Variants in CREBZF observed in about 807,000 individuals in gnomAD.
The protein encoded by CREBZF is HCF-binding transcription factor Zhangfei.
In CREBZF, 8 loss-of-function variants were observed where a neutral mutation model predicts 21.1. The observed-to-expected ratio is 0.38, with a 90% CI of 0.22 to 0.68. The LOEUF is 0.68. Among genes scored for constraint, CREBZF ranks in the 30% least tolerant of loss-of-function variants. The pLI is 0.51. For synonymous variants in CREBZF, 270 were observed against 223.3 expected (o/e 1.21, Z -1.86); for missense variants, 518 against 484.3 (o/e 1.07, Z -0.65).
chr11:85,676,443 T>G (rs1251674234), intron 1 of CREBZF, among the ~76,000 whole-genome samples: 1 of 152,150 alleles, frequency 6.6e-6, no homozygotes, highest in South Asian at 2.1e-4. Context: ...TACTGAAAAT[T>G]TGTACTCTGA....
chr11:85,676,937 C>T (rs79514039), intron 1 of CREBZF, among the ~76,000 whole-genome samples: 7,148 of 146,148 alleles, frequency 0.049, 563 homozygotes, highest in African/African-American at 0.17. Flanking sequence ...AGCCACTATG[C>T]CTGCCTGTAA....
In CREBZF at chr11:85,663,683, AAG is replaced by A; in HGVS notation, c.*126_*127del. 1.9e-6 allele frequency: 3 copies of A among 1,610,296 alleles called. No homozygotes were observed. Among genetic ancestry groups the A allele is most frequent in the Non-Finnish European group, 2.5e-6 (3 of 1,178,384 alleles). On this transcript the variant is annotated 3_prime_UTR_variant, in exon 1 of 1. Coordinates refer to ENST00000527447, the MANE Select transcript of CREBZF (RefSeq NM_001039618.4). ...ATTCATGCTTTTAGCTAAACACTTT[AAG>A]ATTCAATATTACTTTTTTTCTCTCC...
chr11:85,681,175 G>A (rs540360738), intron 1 of CREBZF, among the ~76,000 whole-genome samples: 1 of 152,314 alleles, frequency 6.6e-6, no homozygotes, highest in South Asian at 2.1e-4. Context: ...TGTGGACCAA[G>A]AGGTGATATC....
chr11:85,675,299 T>A (rs1424024399), intron 1 of CREBZF, among the ~76,000 whole-genome samples: 2 of 152,232 alleles, frequency 1.3e-5, no homozygotes, highest in Admixed American at 6.5e-5. Flanking sequence ...GCTTTTGACT[T>A]AAAGTGAGAG....
At chr11:85,682,675 T>A in intron 1 of CREBZF, 1 of 527,242 alleles carries the variant, frequency 1.9e-6, no homozygotes, top group Non-Finnish European at 3.5e-6. Context: ...CCCACTCCCC[T>A]TGTAGACCAC....
In CREBZF at chr11:85,663,330, G is replaced by A; in HGVS notation, c.*481C>T. On this transcript the variant is annotated 3_prime_UTR_variant, in exon 1 of 1. Transcript: ENST00000527447. Reference sequence around the variant, plus strand: ...GACACATTAATAGCTATTTCAACCAGAAGAGGCATCTTAAATACATTCTTG... The same window carrying A: ...GACACATTAATAGCTATTTCAACCAAAAGAGGCATCTTAAATACATTCTTG... 1.7e-6 allele frequency: 1 copy of A among 604,046 alleles called. No individual in the cohort carries two copies. The highest frequency in any genetic ancestry group is 2.0e-5 in the South Asian group (1 of 49,350). The allele number at this position is 604,046 out of a possible 1,614,324, so 37.4% of individuals were successfully genotyped here. A position where few individuals can be genotyped will look rare whatever the true frequency, so the allele number is the denominator to read the frequency against.
upstream of CREBZF, among the ~76,000 whole-genome samples, chr11:85,668,981 G>A (rs1179183391): frequency 4.3e-4 from 40 of 92,012 alleles, no homozygotes; most frequent in African/African-American, 8.1e-4. Flanking sequence ...CAGCCTGGGC[G>A]ACAGAGCGAG....
intron 1 of CREBZF, among the ~76,000 whole-genome samples, chr11:85,681,716 T>A (rs1015911417): frequency 1.3e-5 from 2 of 152,196 alleles, no homozygotes; most frequent in South Asian, 4.1e-4. Context: ...TAGAAAACAG[T>A]GTTGTTGTTT....
At chr11:85,682,613 A>AC in intron 1 of CREBZF, 2 of 11,044 alleles carry the variant, frequency 1.8e-4, no homozygotes, top group Non-Finnish European at 3.3e-4. Context: ...TACTCCCCCC[A>AC]ACGCGATCTT....
chr11:85,661,148 CAG>C lies in CREBZF; in HGVS notation c.*2661_*2662del, dbSNP rs1214737547. ...ATTGTTTACTACATACTGAAATAAA[CAG>C]ATCTGTTTAAATTCAGAAACCCAAA... On this transcript the variant is annotated 3_prime_UTR_variant, in exon 1 of 1. Coordinates refer to ENST00000527447, the MANE Select transcript of CREBZF (RefSeq NM_001039618.4). The C allele has an allele frequency of 2.0e-5, 3 of 152,566 alleles. No individual in the cohort carries two copies. Among genetic ancestry groups the C allele is most frequent in the Non-Finnish European group, 2.9e-5 (2 of 68,032 alleles). 9.5% of individuals were successfully genotyped at this position (152,566 alleles called of 1,614,324 possible).
rs772788789 is a variant in CREBZF at position 85,663,959 on chromosome 11, T to C, written c.917A>G (p.Tyr306Cys). 1 of 1,613,800 alleles carries C rather than the reference T, an allele frequency of 6.2e-7. No homozygotes were observed. The highest frequency in any genetic ancestry group is 2.2e-5 in the East Asian group (1 of 44,872). ...CTTCTGCTTTCCCACCGGCAGAGCG[T>C]AGTCGTGGTCACCGGCGGGCGAGTC... Reference protein sequence around the residue: ...FRDSPAGDHDYALPVGKQKQD... With the variant: ...FRDSPAGDHDCALPVGKQKQD... The change falls in exon 1 of 1, where the codon TAC becomes TGC. Residue 306 changes from tyrosine (Y) to cysteine (C), a missense_variant. Transcript: ENST00000527447.
In CREBZF at chr11:85,663,744, G is replaced by A; in HGVS notation, c.*67C>T. On this transcript the variant is annotated 3_prime_UTR_variant, in exon 1 of 1. Transcript: ENST00000527447. Reference sequence around the variant, plus strand: ...GTGTCCGGTGAAGATGTCCCACTAAGGTAAGTTTGACATGGTGTAAGGGAG... The same window carrying A: ...GTGTCCGGTGAAGATGTCCCACTAAAGTAAGTTTGACATGGTGTAAGGGAG... 1 of 1,588,066 alleles carries A rather than the reference G, an allele frequency of 6.3e-7. No homozygotes were observed.
At chr11:85,680,356 A>C (rs1176267470) in intron 1 of CREBZF, among the ~76,000 whole-genome samples, 1 of 152,224 alleles carries the variant, frequency 6.6e-6, no homozygotes, top group Non-Finnish European at 1.5e-5. Context: ...AGCTATTTCC[A>C]ATCTTTTGCT....
At chr11:85,676,393 T>A (rs1177838857) in intron 1 of CREBZF, among the ~76,000 whole-genome samples, 1 of 152,192 alleles carries the variant, frequency 6.6e-6, no homozygotes, top group Admixed American at 6.5e-5. Flanking sequence ...TGCTCCCTCC[T>A]TTAGGAACCC....
intron 1 of CREBZF, among the ~76,000 whole-genome samples, chr11:85,671,307 A>G (rs1328322680): frequency 6.6e-6 from 1 of 152,188 alleles, no homozygotes; most frequent in African/African-American, 2.4e-5. Context: ...TCCCTTCCAC[A>G]ACATGTGGGG....
At position 85,664,732 on chromosome 11, in the gene CREBZF, G is replaced by T; in HGVS notation, c.144C>A (p.Ala48=). 6.2e-7 allele frequency: 1 copy of T among 1,604,538 alleles called. No homozygotes were observed. The highest frequency in any genetic ancestry group is 8.5e-7 in the Non-Finnish European group (1 of 1,177,166). Residue 48 remains alanine, a synonymous_variant, in exon 1 of 1, where the codon GCC becomes GCA. Coordinates refer to ENST00000527447, the MANE Select transcript of CREBZF (RefSeq NM_001039618.4). This position sits in a 1 kb window ranked among gnomAD's most constrained non-coding sequence, Gnocchi z 5.5. ...AAAGEEETAA[A]GSPGRKQQFG... Reference sequence around the variant, plus strand: ...ACTGCTGCTTGCGGCCGGGAGATCCGGCCGCCGCCGTCTCCTCCTCCCCCG... The same window carrying T: ...ACTGCTGCTTGCGGCCGGGAGATCCTGCCGCCGCCGTCTCCTCCTCCCCCG...
intron 1 of CREBZF, among the ~76,000 whole-genome samples, chr11:85,672,404 A>T (rs1345431028): frequency 6.6e-6 from 1 of 152,188 alleles, no homozygotes; most frequent in African/African-American, 2.4e-5. Context: ...ACTTATGCAA[A>T]TTTCTGCAGC....
chr11:85,670,381 G>A (rs2082904194), intron 1 of CREBZF, among the ~76,000 whole-genome samples: 1 of 126,730 alleles, frequency 7.9e-6, no homozygotes, highest in Non-Finnish European at 1.6e-5. Context: ...TCTGCTCACT[G>A]CAAACTCCAC....
chr11:85,675,034 C>A (rs139582124), intron 1 of CREBZF, among the ~76,000 whole-genome samples: 1 of 152,202 alleles, frequency 6.6e-6, no homozygotes, highest in Admixed American at 6.5e-5. Flanking sequence ...GGTTTGGCTT[C>A]GGCTTAAAGG....
Sources: gnomAD v4.1 joint callset for allele counts (sites outside exome capture counted in the v4.1 genomes callset) on GRCh38, gnomAD v4.1.1 for gene constraint, Gnocchi (gnomAD v3.1) non-coding constraint, MANE v1.5 for transcripts, NCBI Gene and HGNC (gene_info 2026-07-23, HGNC 2026-07-21) for gene names.